The following PIEZO2 variants were observed in gnomAD, a reference collection of about 807,000 sequenced individuals.
PIEZO2 encodes piezo type mechanosensitive ion channel component 2.
A neutral mutation model predicts 337.3 loss-of-function variants in PIEZO2; 172 were observed. The observed-to-expected ratio is 0.51, with a 90% CI of 0.45 to 0.58. The LOEUF (loss-of-function observed/expected upper bound fraction) is 0.58, where lower values mean the gene tolerates loss of function less well. Ranked by LOEUF, PIEZO2 falls within the 20% of genes least tolerant of loss-of-function variation. The pLI, the probability that PIEZO2 is intolerant of heterozygous loss-of-function variation, is 0.00. For synonymous variants in PIEZO2, 1,251 were observed against 1,228.5 expected (o/e 1.02, Z -0.38); for missense variants, 3,028 against 3,391.3 (o/e 0.89, Z 2.66).
At chr18:11,066,246 AGT>A in intron 1 of PIEZO2, 24 bp from the exon 2 acceptor site, 1 of 1,515,642 alleles carries the variant, frequency 6.6e-7, no homozygotes, top group Non-Finnish European at 8.9e-7. Context: ...GAGAGAAGAG[AGT>A]GAGAAGATCA....
intron 7 of PIEZO2, among the ~76,000 whole-genome samples, chr18:10,838,170 T>C (rs1337853674): frequency 1.3e-5 from 2 of 152,200 alleles, no homozygotes; most frequent in Non-Finnish European, 2.9e-5. Context: ...TCCCATCCTA[T>C]AATACTGTCT....
intron 28 of PIEZO2, among the ~76,000 whole-genome samples, chr18:10,751,809 G>A (rs1001744066): frequency 2.0e-5 from 3 of 152,228 alleles, no homozygotes; most frequent in African/African-American, 4.8e-5. Flanking sequence ...CAGCTCAGGA[G>A]AGGTTGTTGC....
At chr18:11,123,584 G>A (rs570093377) in intron 1 of PIEZO2, among the ~76,000 whole-genome samples, 9 of 152,198 alleles carry the variant, frequency 5.9e-5, no homozygotes, top group East Asian at 3.9e-4. Context: ...CGAGGCGGGC[G>A]GATCATGAGG....
rs1339141004 is a variant in PIEZO2 at position 10,691,768 on chromosome 18, A to AACACACACACAC, written c.7191-397_7191-386dup. On this transcript the variant is annotated intron_variant, in intron 47 of 55. Transcript: ENST00000674853. The stretch of plus-strand genomic sequence containing the variant: ...ATATGATATATTAAAAATATATATA[A>AACACACACACAC]ACACACACACACACATATATATATA... Among the ~76,000 whole-genome samples the AACACACACACAC allele has an allele frequency of 1.5e-4, 11 of 75,362 alleles. No individual in the cohort carries two copies. The East Asian group carries it at 1.5e-3, about 10-fold the overall frequency. The allele number at this position is 75,362 out of a possible 152,430, so 49.4% of individuals were successfully genotyped here. A position where few individuals can be genotyped will look rare whatever the true frequency, so the allele number is the denominator to read the frequency against.
chr18:10,938,846 GGA>G (rs1355160496), intron 3 of PIEZO2, among the ~76,000 whole-genome samples: 9 of 152,138 alleles, frequency 5.9e-5, no homozygotes, highest in Non-Finnish European at 1.5e-5. Flanking sequence ...CAGCACTTTG[GGA>G]GGCTGAGGCA....
intron 4 of PIEZO2, among the ~76,000 whole-genome samples, chr18:10,891,877 G>A (rs1164615880): frequency 6.6e-6 from 1 of 152,064 alleles, no homozygotes; most frequent in Non-Finnish European, 1.5e-5. Context: ...AATTTGTAAA[G>A]CACATAAAAT....
At chr18:10,740,069 C>T (rs11663386) in intron 33 of PIEZO2, 49,288 of 147,628 alleles carry the variant, frequency 0.33, 8,661 homozygotes, top group East Asian at 0.54. Flanking sequence ...AGATTAGCTG[C>T]AAGTATGGAG....
chr18:11,050,110 A>G (rs531480710), intron 2 of PIEZO2, among the ~76,000 whole-genome samples: 2 of 152,330 alleles, frequency 1.3e-5, no homozygotes, highest in African/African-American at 2.4e-5. Flanking sequence ...ATCTCAAAAA[A>G]GAACAACTAA....
Position 10,888,578 on chromosome 18 carries a change from T to C in PIEZO2, c.330-17163A>G, listed in dbSNP as rs1226614062. Among the ~76,000 whole-genome samples, 2 of 152,144 alleles carry C rather than the reference T, an allele frequency of 1.3e-5. No individual in the cohort carries two copies. Among genetic ancestry groups the C allele is most frequent in the Admixed American group, 6.5e-5 (1 of 15,270 alleles). On this transcript the variant is annotated intron_variant, in intron 4 of 55. Coordinates refer to ENST00000674853, the MANE Select transcript of PIEZO2 (RefSeq NM_001378183.1). This position sits in a 1 kb window ranked among gnomAD's most constrained non-coding sequence, Gnocchi z 4.1. ...GCATATATTTCCACACACACGCATA[T>C]GCCTTTACAACTATTTCCATATCTT... is the stretch of plus-strand genomic sequence containing the variant.
chr18:10,755,411 G>C (rs1426319641), intron 27 of PIEZO2, among the ~76,000 whole-genome samples: 1 of 152,134 alleles, frequency 6.6e-6, no homozygotes, highest in Non-Finnish European at 1.5e-5. Flanking sequence ...AGCTAATAAG[G>C]GGGTATGAAA....
intron 7 of PIEZO2, among the ~76,000 whole-genome samples, chr18:10,840,630 A>AT (rs1390616635): frequency 1.3e-5 from 2 of 149,640 alleles, no homozygotes; most frequent in Non-Finnish European, 3.0e-5. Context: ...ACTTTTGACA[A>AT]TAAAAAAAAA....
chr18:10,906,638 G>T (rs1014637797), intron 4 of PIEZO2, among the ~76,000 whole-genome samples: 7 of 151,944 alleles, frequency 4.6e-5, no homozygotes, highest in African/African-American at 1.7e-4. Context: ...TGGGCTCACT[G>T]CAACCTCCGC....
At position 10,876,487 on chromosome 18, in the gene PIEZO2, T is replaced by C. The variant is rs369683886; in HGVS notation, c.330-5072A>G. On this transcript the variant is annotated intron_variant, in intron 4 of 55. Transcript: ENST00000674853. ...AATTTGGAAACTATACTAATGTACATAATTATACACCTACCTTCTCTATAC... is the reference window on the plus strand; with the variant it reads ...AATTTGGAAACTATACTAATGTACACAATTATACACCTACCTTCTCTATAC... Among the ~76,000 whole-genome samples, 7 of 152,330 alleles carry C rather than the reference T, an allele frequency of 4.6e-5. No individual in the cohort carries two copies. The East Asian group carries it at 1.4e-3, about 29-fold the overall frequency.
In PIEZO2 at chr18:10,697,770, C is replaced by T; in HGVS notation, c.6805G>A (p.Ala2269Thr). The change falls in exon 45 of 56, where the codon GCA becomes ACA. Residue 2269 changes from alanine to threonine, a missense_variant. By Grantham distance (58) the Ala-to-Thr change is moderately conservative. Around this residue, in one of 5 missense-constraint regions of PIEZO2, gnomAD observed 1,925 missense variants for 2,051.9 expected, o/e 0.94. Transcript: ENST00000674853. ...MEKLQEHLIK[A>T]KAFTIKKTLE... ...CACTTCTTTATGGTAAAGGCTTTTGCTTTGATTAAATGTTCTTGAAGCTTT... is the reference window on the plus strand; with the variant it reads ...CACTTCTTTATGGTAAAGGCTTTTGTTTTGATTAAATGTTCTTGAAGCTTT... 1.9e-6 allele frequency: 3 copies of T among 1,614,094 alleles called. No homozygotes were observed. The highest frequency in any genetic ancestry group is 2.5e-6 in the Non-Finnish European group (3 of 1,180,032).
chr18:11,136,500 C>T (rs1303906872), intron 1 of PIEZO2, among the ~76,000 whole-genome samples: 1 of 152,270 alleles, frequency 6.6e-6, no homozygotes, highest in Non-Finnish European at 1.5e-5. Flanking sequence ...CAATGCAAGC[C>T]TGGCTCCAGC....
chr18:11,148,834 G>C lies in PIEZO2; in HGVS notation c.-246C>G, dbSNP rs2040877547. ...GCTCTTGGCGGCCACCTAGCCCGGC[G>C]CCCGGCCCCCTGCGGCCGGCCCATT... On this transcript the variant is annotated 5_prime_UTR_variant, in exon 1 of 56. Transcript: ENST00000674853. This position sits in a 1 kb window ranked among gnomAD's most constrained non-coding sequence, Gnocchi z 5.2. 2.3e-6 allele frequency: 1 copy of C among 437,438 alleles called. No homozygotes were observed. Among genetic ancestry groups the C allele is most frequent in the African/African-American group, 2.1e-5 (1 of 47,904 alleles). 27.1% of individuals were successfully genotyped at this position (437,438 alleles called of 1,614,324 possible).
chr18:10,971,150 A>T (rs557019846), intron 3 of PIEZO2, among the ~76,000 whole-genome samples: 1 of 152,212 alleles, frequency 6.6e-6, no homozygotes, highest in South Asian at 2.1e-4. Context: ...AGGATAAGGG[A>T]CTCAAGAGGC....
intron 2 of PIEZO2, among the ~76,000 whole-genome samples, chr18:11,023,783 C>T (rs2036414472): frequency 6.6e-6 from 1 of 152,232 alleles, no homozygotes; most frequent in Non-Finnish European, 1.5e-5. Context: ...AGGTCCCGAA[C>T]CCTGCCCCGC....
intron 3 of PIEZO2, among the ~76,000 whole-genome samples, chr18:10,977,566 C>G (rs964353564): frequency 9.9e-5 from 15 of 151,816 alleles, no homozygotes. Flanking sequence ...CTATTAAGTC[C>G]CAAAAGATGT....
Sources: gnomAD v4.1 joint callset for allele counts (sites outside exome capture counted in the v4.1 genomes callset) on GRCh38, gnomAD v4.1.1 for gene constraint, gnomAD v4.1.1 regional missense constraint, Gnocchi (gnomAD v3.1) non-coding constraint, MANE v1.5 for transcripts, NCBI Gene and HGNC (gene_info 2026-07-23, HGNC 2026-07-21) for gene names.